Variants in RASAL2 observed in about 807,000 individuals in gnomAD.
RASAL2 encodes the protein ras GTPase-activating protein nGAP.
Under a neutral mutation model 128.9 loss-of-function variants are expected in RASAL2, and 58 were observed. The observed-to-expected ratio is 0.45, with a 90% CI of 0.36 to 0.56. The LOEUF (loss-of-function observed/expected upper bound fraction) is 0.56, where lower values mean the gene tolerates loss of function less well. Among genes scored for constraint, RASAL2 ranks in the 20% least tolerant of loss-of-function variants. RASAL2 has a pLI of 0.00. For missense variants in RASAL2, 1,360 were observed against 1,601.6 expected, an observed-to-expected ratio of 0.85 and a Z score of 2.57; for synonymous variants, 561 against 580.8, an observed-to-expected ratio of 0.97 and a Z score of 0.49.
intron 1 of RASAL2, among the ~76,000 whole-genome samples, chr1:178,245,189 A>G (rs1664714468): frequency 6.6e-6 from 1 of 152,228 alleles, no homozygotes; most frequent in South Asian, 2.1e-4. Context: ...TTACACTGCC[A>G]CCAACAGTGT....
At chr1:178,257,834 C>G (rs1435759241) in intron 1 of RASAL2, among the ~76,000 whole-genome samples, 1 of 125,614 alleles carries the variant, frequency 8.0e-6, no homozygotes, top group Non-Finnish European at 1.7e-5. Context: ...GAGTGAGACC[C>G]TGTCTCAAAA....
chr1:178,223,343 G>A (rs1663682535), intron 1 of RASAL2, among the ~76,000 whole-genome samples: 1 of 152,158 alleles, frequency 6.6e-6, no homozygotes, highest in Non-Finnish European at 1.5e-5. Flanking sequence ...GACCTGGTCA[G>A]AGGGGTCAGG....
intron 3 of RASAL2, among the ~76,000 whole-genome samples, chr1:178,344,989 T>C (rs912176151): frequency 6.6e-6 from 1 of 152,214 alleles, no homozygotes; most frequent in Non-Finnish European, 1.5e-5. Flanking sequence ...TCAGAATACT[T>C]TCTTTGTACA....
intron 1 of RASAL2, among the ~76,000 whole-genome samples, chr1:178,128,281 G>A (rs73049382): frequency 0.014 from 2,056 of 152,174 alleles, 47 homozygotes; most frequent in African/African-American, 0.046. Flanking sequence ...ATTATTTGAA[G>A]TCAGATAAAT....
intron 2 of RASAL2, among the ~76,000 whole-genome samples, chr1:178,288,693 C>T (rs1006976088): frequency 1.5e-5 from 2 of 137,502 alleles, no homozygotes; most frequent in African/African-American, 5.8e-5. Flanking sequence ...CTCTGTCACC[C>T]AGGCTGGAGT....
At chr1:178,208,484 C>G (rs1663134237) in intron 1 of RASAL2, among the ~76,000 whole-genome samples, 1 of 152,116 alleles carries the variant, frequency 6.6e-6, no homozygotes, top group Admixed American at 6.5e-5. Context: ...GAAAAAAACT[C>G]CGCGCTAGTA....
intron 3 of RASAL2, among the ~76,000 whole-genome samples, chr1:178,323,510 G>A (rs923409839): frequency 3.3e-5 from 5 of 152,124 alleles, no homozygotes; most frequent in African/African-American, 1.2e-4. Context: ...AGGACTATAA[G>A]CAGTATAATC....
intron 1 of RASAL2, among the ~76,000 whole-genome samples, chr1:178,215,042 G>A (rs899947725): frequency 1.3e-5 from 2 of 152,190 alleles, no homozygotes; most frequent in Non-Finnish European, 2.9e-5. Context: ...CGTTTTAGCT[G>A]TGGAACTTTT....
chr1:178,288,842 G>A (rs1354838893), intron 2 of RASAL2, among the ~76,000 whole-genome samples: 1 of 151,422 alleles, frequency 6.6e-6, no homozygotes, highest in East Asian at 2.0e-4. Flanking sequence ...GTAGAGATGG[G>A]GTTTCACCAT....
chr1:178,160,744 T>C (rs922845407), intron 1 of RASAL2, among the ~76,000 whole-genome samples: 4 of 152,230 alleles, frequency 2.6e-5, no homozygotes, highest in South Asian at 2.1e-4. Flanking sequence ...ACCTGACTTA[T>C]GGAACACTGT....
intron 1 of RASAL2, among the ~76,000 whole-genome samples, chr1:178,247,105 C>T (rs2102070040): frequency 6.6e-6 from 1 of 152,314 alleles, no homozygotes; most frequent in East Asian, 1.9e-4. Flanking sequence ...AGAAGTCCCT[C>T]TTTTTCTGTT....
intron 3 of RASAL2, among the ~76,000 whole-genome samples, chr1:178,323,334 A>G (rs77529611): frequency 0.039 from 6,005 of 152,296 alleles, 405 homozygotes; most frequent in African/African-American, 0.14. Flanking sequence ...GATATGAGAC[A>G]TACTAGAGAA....
Position 178,185,224 on chromosome 1 carries a change from G to A in RASAL2, c.202+90530G>A, listed in dbSNP as rs71628269. Among the ~76,000 whole-genome samples, 1,369 of 150,986 alleles carry A rather than the reference G, an allele frequency of 9.1e-3. 9 individuals carry two copies. Among genetic ancestry groups the A allele is most frequent in the Non-Finnish European group, 0.016 (1,097 of 67,620 alleles). On this transcript the variant is annotated intron_variant, in intron 1 of 17. Coordinates refer to ENST00000367649, the MANE Select transcript of RASAL2 (RefSeq NM_170692.4). ...GTGACCTTGCTATAACTGCTTTTTG[G>A]TTCCGAGAGGTTTTTAGTAGAGTCT...
intron 1 of RASAL2, among the ~76,000 whole-genome samples, chr1:178,179,620 C>T (rs1409610615): frequency 1.3e-5 from 2 of 152,128 alleles, no homozygotes; most frequent in Non-Finnish European, 2.9e-5. Context: ...AAAAACAAGT[C>T]TTATAAAGTG....
intron 3 of RASAL2, among the ~76,000 whole-genome samples, chr1:178,304,053 A>G (rs1195576556): frequency 6.6e-6 from 1 of 152,194 alleles, no homozygotes; most frequent in Non-Finnish European, 1.5e-5. Flanking sequence ...GTGATAATTC[A>G]TTGAGCATAT....
chr1:178,368,851 T>C (rs942479011), intron 3 of RASAL2, among the ~76,000 whole-genome samples: 4 of 152,044 alleles, frequency 2.6e-5, no homozygotes, highest in Admixed American at 2.6e-4. Context: ...TTGCCCATGG[T>C]GTTATCAAAC....
At chr1:178,237,577 G>A (rs569729354) in intron 1 of RASAL2, among the ~76,000 whole-genome samples, 2 of 152,196 alleles carry the variant, frequency 1.3e-5, no homozygotes, top group South Asian at 4.1e-4. Flanking sequence ...CCAATGTGGT[G>A]GTAACTTTAA....
At chr1:178,421,589 T>C (rs1040723496) in intron 5 of RASAL2, among the ~76,000 whole-genome samples, 6 of 152,128 alleles carry the variant, frequency 3.9e-5, no homozygotes, top group Non-Finnish European at 7.4e-5. Flanking sequence ...AGCTAATAAG[T>C]AGTAGAGCTA....
intron 3 of RASAL2, among the ~76,000 whole-genome samples, chr1:178,318,680 T>C (rs1668606127): frequency 6.6e-6 from 1 of 151,944 alleles, no homozygotes; most frequent in African/African-American, 2.4e-5. Context: ...TTTGAGCCTA[T>C]GTGTGTCTCT....
Sources: gnomAD v4.1 joint callset for allele counts (sites outside exome capture counted in the v4.1 genomes callset) on GRCh38, gnomAD v4.1.1 for gene constraint, MANE v1.5 for transcripts, NCBI Gene and HGNC (gene_info 2026-07-23, HGNC 2026-07-21) for gene names.